PPP2R2B: variants seen among roughly 807,000 people sequenced by gnomAD.
The protein encoded by PPP2R2B is protein phosphatase 2 regulatory subunit Bbeta.
Under a neutral mutation model 46.0 loss-of-function variants are expected in PPP2R2B, and 5 were observed. The observed-to-expected ratio is 0.11, with a 90% CI of 0.06 to 0.23. The LOEUF (loss-of-function observed/expected upper bound fraction) is 0.23. Ranked by LOEUF, PPP2R2B falls within the 10% of genes least tolerant of loss-of-function variation. The pLI is 1.00. For missense variants in PPP2R2B, 367 were observed against 575.0 expected (o/e 0.64, Z 3.70); for synonymous variants, 215 against 206.7 (o/e 1.04, Z -0.34).
At chr5:146,652,480 C>T (rs574178995) in intron 5 of PPP2R2B, among the ~76,000 whole-genome samples, 16 of 152,066 alleles carry the variant, frequency 1.1e-4, no homozygotes, top group South Asian at 2.1e-4. Context: ...GGGCTAGGTG[C>T]GCAAAAGAGA....
chr5:146,834,740 C>G (rs1334831927), intron 2 of PPP2R2B, among the ~76,000 whole-genome samples: 2 of 151,586 alleles, frequency 1.3e-5, no homozygotes, highest in African/African-American at 2.4e-5. Context: ...GAGGATAGTA[C>G]CCACTATGTA....
intron 1 of PPP2R2B, among the ~76,000 whole-genome samples, chr5:147,043,598 G>A (rs1246910624): frequency 6.6e-6 from 1 of 152,146 alleles, no homozygotes; most frequent in Admixed American, 6.6e-5. Context: ...AACTAATACA[G>A]GAGGGTAGGA....
At chr5:146,679,164 CA>C (rs1777954984) in intron 5 of PPP2R2B, among the ~76,000 whole-genome samples, 1 of 44,070 alleles carries the variant, frequency 2.3e-5, no homozygotes, top group Admixed American at 2.5e-4. Context: ...CTACAGTAAC[CA>C]AAACAGCATG....
rs1418545306 is a variant in PPP2R2B, at chr5:146,812,815, A to ATG, written c.70+65186_70+65187insCA. ...TGTGTATATATATATATATATATAT[A>ATG]TATATATATATATACACACACATTT... On this transcript the variant is annotated intron_variant, in intron 2 of 9. Transcript: ENST00000394411. Among the ~76,000 whole-genome samples the ATG allele has an allele frequency of 6.1e-3, 218 of 35,622 alleles. 38 individuals are homozygous for ATG. Among genetic ancestry groups the ATG allele is most frequent in the African/African-American group, 0.015 (178 of 11,930 alleles). 23.4% of individuals were successfully genotyped at this position (35,622 alleles called of 152,430 possible). A position where few individuals can be genotyped will look rare whatever the true frequency, so the allele number is the denominator to read the frequency against.
intron 1 of PPP2R2B, among the ~76,000 whole-genome samples, chr5:146,911,710 C>A (rs1195365119): frequency 6.6e-6 from 1 of 152,164 alleles, no homozygotes; most frequent in African/African-American, 2.4e-5. Context: ...AATACCTCTT[C>A]CCTCTATATG....
At chr5:146,706,725 C>A in intron 2 of PPP2R2B, 1 of 824,496 alleles carries the variant, frequency 1.2e-6, no homozygotes, top group East Asian at 2.5e-5. Flanking sequence ...CTTTGTAAGA[C>A]GCAGGTCTTC....
chr5:146,642,780 C>A lies in PPP2R2B; in HGVS notation c.626-4365G>T, dbSNP rs140190435. Among the ~76,000 whole-genome samples, 1,085 of 152,294 alleles carry A rather than the reference C, an allele frequency of 7.1e-3. 7 individuals are homozygous for A. The highest frequency in any genetic ancestry group is 0.044 in the Middle Eastern group (13 of 294). ...CAGGCTGGAAAAAATCTTAGGGCCA[C>A]GCATGGTGGCTCGCACCTGCAATCC... is the stretch of plus-strand genomic sequence containing the variant. On this transcript the variant is annotated intron_variant, in intron 6 of 9. Coordinates refer to ENST00000394411, the MANE Select transcript of PPP2R2B (RefSeq NM_181675.4).
At chr5:147,033,846 C>A (rs1755907563) in intron 1 of PPP2R2B, among the ~76,000 whole-genome samples, 1 of 152,092 alleles carries the variant, frequency 6.6e-6, no homozygotes, top group African/African-American at 2.4e-5. Context: ...CCTTTCTTGT[C>A]CACTGTGATA....
intron 1 of PPP2R2B, among the ~76,000 whole-genome samples, chr5:146,991,119 C>T (rs182868206): frequency 2.0e-4 from 31 of 152,002 alleles, no homozygotes; most frequent in African/African-American, 7.2e-4. Flanking sequence ...GTACACTCTT[C>T]GTAGGAATGT....
intron 8 of PPP2R2B, among the ~76,000 whole-genome samples, chr5:146,599,329 C>A (rs764797439): frequency 6.6e-6 from 1 of 152,214 alleles, no homozygotes; most frequent in South Asian, 2.1e-4. Context: ...TCATCCTACC[C>A]ATCCTTCCAT....
intron 5 of PPP2R2B, among the ~76,000 whole-genome samples, chr5:146,667,184 A>T (rs1279952466): frequency 3.9e-5 from 6 of 152,206 alleles, no homozygotes; most frequent in Non-Finnish European, 7.3e-5. Flanking sequence ...GAGAGACCGT[A>T]AATCTTCTCT....
intron 1 of PPP2R2B, among the ~76,000 whole-genome samples, chr5:146,890,937 A>G (rs1762474124): frequency 6.6e-6 from 1 of 152,322 alleles, no homozygotes; most frequent in Admixed American, 6.5e-5. Flanking sequence ...CTGACTCATT[A>G]TGTCTATTTC....
chr5:146,842,519 G>A (rs1024554901), intron 2 of PPP2R2B, among the ~76,000 whole-genome samples: 3 of 144,542 alleles, frequency 2.1e-5, no homozygotes, highest in Non-Finnish European at 4.5e-5. Flanking sequence ...GGTTACATGT[G>A]CAGGATGTGC....
At chr5:147,060,272 C>G (rs1190895356), upstream of PPP2R2B, among the ~76,000 whole-genome samples, 2 of 152,140 alleles carry the variant, frequency 1.3e-5, no homozygotes, top group African/African-American at 2.4e-5. Context: ...TTATTGAATA[C>G]TTACTTAGGC....
intron 2 of PPP2R2B, among the ~76,000 whole-genome samples, chr5:146,815,871 TG>T (rs1483879022): frequency 6.6e-6 from 1 of 152,254 alleles, no homozygotes; most frequent in Non-Finnish European, 1.5e-5. Flanking sequence ...AGCTGAAAGC[TG>T]CTTTGTTGAA....
At chr5:146,765,339 T>C (rs1014617115) in intron 2 of PPP2R2B, among the ~76,000 whole-genome samples, 8 of 152,236 alleles carry the variant, frequency 5.3e-5, no homozygotes, top group African/African-American at 1.9e-4. Context: ...TTCAGAGTCA[T>C]TACCATTCTG....
At chr5:146,820,522 A>G (rs1237791443) in intron 2 of PPP2R2B, among the ~76,000 whole-genome samples, 1 of 152,218 alleles carries the variant, frequency 6.6e-6, no homozygotes, top group African/African-American at 2.4e-5. Flanking sequence ...GTGGAATTTT[A>G]AAATGCAATA....
chr5:147,049,771 G>A (rs1013430144), intron 1 of PPP2R2B, among the ~76,000 whole-genome samples: 1 of 152,190 alleles, frequency 6.6e-6, no homozygotes, highest in African/African-American at 2.4e-5. Flanking sequence ...GCCTGCAAAG[G>A]CATGACTGGA....
intron 7 of PPP2R2B, among the ~76,000 whole-genome samples, chr5:146,615,613 C>T (rs1462567612): frequency 6.7e-6 from 1 of 149,386 alleles, no homozygotes; most frequent in Non-Finnish European, 1.5e-5. Flanking sequence ...ATCTCAACAG[C>T]AAATAATCTC....
Sources: gnomAD v4.1 joint callset for allele counts (sites outside exome capture counted in the v4.1 genomes callset) on GRCh38, gnomAD v4.1.1 for gene constraint, MANE v1.5 for transcripts, NCBI Gene and HGNC (gene_info 2026-07-23, HGNC 2026-07-21) for gene names.